The following ATP8B3 variants were observed in gnomAD, a reference collection of about 807,000 sequenced individuals.
ATP8B3 encodes phospholipid-transporting ATPase IK.
In ATP8B3, 141 loss-of-function variants were observed where a neutral mutation model predicts 140.9. That is an observed-to-expected ratio of 1.00 (90% CI 0.87 to 1.15). ATP8B3 has a LOEUF of 1.15. ATP8B3 is among the 50% of genes most tolerant of loss of function. The probability of loss-of-function intolerance (pLI) is 0.00; values close to 1 mark genes in which losing one functional copy is unlikely to be tolerated. For missense variants in ATP8B3, 1,874 were observed against 1,740.6 expected, an observed-to-expected ratio of 1.08 and a Z score of -1.36; for synonymous variants, 765 against 714.6, an observed-to-expected ratio of 1.07 and a Z score of -1.13.
In ATP8B3 at chr19:1,789,719, C is replaced by A. The variant is rs771178009; in HGVS notation, c.2487G>T (p.Leu829=). ...GCGGCTCCTTCCGCAGGGACACCAG[C>A]AGTTTGTCCTGGCCGGCGGGGAGGG... is the stretch of plus-strand genomic sequence containing the variant. ...LVINGDFLDK[L]LVSLRKEPRA... Residue 829 remains leucine (L), a synonymous_variant, in exon 23 of 29, where the codon CTG becomes CTT. Coordinates refer to ENST00000310127, the MANE Select transcript of ATP8B3 (RefSeq NM_138813.4). 2 of 1,570,784 alleles carry A rather than the reference C, an allele frequency of 1.3e-6. No homozygotes were observed. The highest frequency in any genetic ancestry group is 1.7e-6 in the Non-Finnish European group (2 of 1,162,092).
intron 4 of ATP8B3, among the ~76,000 whole-genome samples, chr19:1,809,031 G>A (rs771547828): frequency 3.3e-5 from 5 of 151,456 alleles, no homozygotes; most frequent in South Asian, 2.1e-4. Flanking sequence ...AAAATTAGCC[G>A]GGCGTGGTTG....
chr19:1,787,967 G>A (rs1016553399), intron 24 of ATP8B3, among the ~76,000 whole-genome samples: 10 of 150,110 alleles, frequency 6.7e-5, no homozygotes, highest in Non-Finnish European at 1.0e-4. Flanking sequence ...ACTTGAACCC[G>A]GGAGGCAGAG....
chr19:1,810,756 G>T, intron 2 of ATP8B3, 73 bp from the exon 3 acceptor site: 1 of 1,445,250 alleles, frequency 6.9e-7, no homozygotes. Context: ...TCTTCAAGGA[G>T]CTCACAGCCT....
chr19:1,796,600 C>A (rs1468114740), intron 16 of ATP8B3, 111 bp downstream of exon 16: 4 of 1,398,954 alleles, frequency 2.9e-6, no homozygotes, highest in Non-Finnish European at 3.8e-6. Flanking sequence ...TCAGCGCCCC[C>A]CAAGCCAGCT....
At position 1,791,756 on chromosome 19, in the gene ATP8B3, T is replaced by A. The variant is rs1298383408; in HGVS notation, c.2296A>T (p.Lys766Ter). 1 of 1,610,572 alleles carries A rather than the reference T, an allele frequency of 6.2e-7. No homozygotes were observed. The highest frequency in any genetic ancestry group is 1.3e-5 in the African/African-American group (1 of 75,012). The change falls in exon 20 of 29, where the codon AAG becomes TAG. Residue 766 changes from lysine to a stop codon, truncating the protein, a stop_gained. Coordinates refer to ENST00000310127, the MANE Select transcript of ATP8B3 (RefSeq NM_138813.4). LOFTEE classifies it high-confidence loss of function. ...GGAGCTGCCCGGGACTCACCCTGCT[T>A]GTCCCCGGTGAGCACCCATATTTTG... ...NIKIWVLTGD[K>*]QETAVNIGFA...
intron 24 of ATP8B3, among the ~76,000 whole-genome samples, chr19:1,787,897 C>T (rs1271054692): frequency 6.6e-6 from 1 of 151,762 alleles, no homozygotes; most frequent in East Asian, 1.9e-4. Flanking sequence ...TAAAAATTAG[C>T]CAGGCATGGT....
rs2068890449 is a variant in ATP8B3, at chr19:1,802,604, A to C, written c.946T>G (p.Phe316Val). Residue 316 changes from phenylalanine to valine, a missense_variant, in exon 11 of 29, where the codon TTC (phenylalanine) becomes GTC (valine). Physicochemically the swap from Phe to Val is conservative, Grantham distance 50. Coordinates refer to ENST00000310127, the MANE Select transcript of ATP8B3 (RefSeq NM_138813.4). ...TCATTCCATTCCAGGCACCCCACGA[A>C]GTGGTGCATCCGACTGTTAGGCGCC... The part of the protein sequence containing the change: ...CEAPNSRMHH[F>V]VGCLEWNDKK... 1.2e-6 allele frequency: 2 copies of C among 1,611,584 alleles called. No homozygotes were observed. Among genetic ancestry groups the C allele is most frequent in the African/African-American group, 2.7e-5 (2 of 74,694 alleles).
chr19:1,783,150 C>T lies in ATP8B3; in HGVS notation c.3781G>A (p.Ala1261Thr). ...ATTGTGCCCTGAGTGATGAGGTTTG[C>T]ATATCCCTCACGGTGGGAGAAAGCA... ...SYAFSHREGY[A>T]NLITQGTILR... Residue 1261 changes from alanine to threonine, a missense_variant, in exon 29 of 29, where the codon GCA (alanine) becomes ACA (threonine). Transcript: ENST00000310127. 1 of 1,613,710 alleles carries T rather than the reference C, an allele frequency of 6.2e-7. No homozygotes were observed.
chr19:1,805,580 C>A lies in ATP8B3; in HGVS notation c.822-124G>T. ...ACCTACTAGTTCGCCAGCTGCCAGTCAGATGGCTGAGGCCCAGAGAGGGAG... is the reference window on the plus strand; with the variant it reads ...ACCTACTAGTTCGCCAGCTGCCAGTAAGATGGCTGAGGCCCAGAGAGGGAG... On this transcript the variant is annotated intron_variant, in intron 9 of 28. Coordinates refer to ENST00000310127, the MANE Select transcript of ATP8B3 (RefSeq NM_138813.4). The surrounding 1 kb of genome is among the most constrained non-coding windows in gnomAD (Gnocchi z 5.2). 1.1e-6 allele frequency: 1 copy of A among 902,396 alleles called. No individual in the cohort carries two copies. The highest frequency in any genetic ancestry group is 1.8e-6 in the Non-Finnish European group (1 of 567,402). 55.9% of individuals were successfully genotyped at this position (902,396 alleles called of 1,614,324 possible).
intron 24 of ATP8B3, among the ~76,000 whole-genome samples, chr19:1,788,436 G>A (rs1438359039): frequency 2.6e-5 from 4 of 152,128 alleles, no homozygotes; most frequent in African/African-American, 9.7e-5. Context: ...GGTCACCTGA[G>A]GTCAGGAGTT....
Position 1,792,342 on chromosome 19 carries a change from G to A in ATP8B3, c.2056-207C>T, listed in dbSNP as rs369200447. ...CGCCTGCAATCCCAGCACTTTGGGA[G>A]GCTGAGGCAGGCGGATCATTTGAGG... On this transcript the variant is annotated intron_variant, in intron 18 of 28. Transcript: ENST00000310127. 7.0e-4 allele frequency among the ~76,000 whole-genome samples: 106 copies of A among 152,322 alleles called. 2 individuals carry two copies. The South Asian group carries it at 0.02, about 29-fold the overall frequency.
intron 23 of ATP8B3, 26 bp downstream of exon 23, chr19:1,789,335 C>T: frequency 6.8e-7 from 1 of 1,479,332 alleles, no homozygotes; most frequent in Non-Finnish European, 9.0e-7. Context: ...GTCCCAGGCA[C>T]CCCCAGCCCC....
intron 24 of ATP8B3, 139 bp from the exon 25 acceptor site, chr19:1,787,325 G>A (rs1384342510): frequency 3.1e-6 from 2 of 639,408 alleles, no homozygotes; most frequent in African/African-American, 1.8e-5. Context: ...GGACTGGGGT[G>A]GGGTGAAGTG....
At chr19:1,789,219 T>C (rs12985252) in intron 23 of ATP8B3, 99 bp from the exon 24 acceptor site, 583,709 of 741,662 alleles carry the variant, frequency 0.79, 227,298 homozygotes, top group African/African-American at 0.86. Flanking sequence ...GCCCCCCCCA[T>C]CTGCTTCAGG....
chr19:1,811,180 A>G (rs1438155319), intron 2 of ATP8B3, among the ~76,000 whole-genome samples: 1 of 152,112 alleles, frequency 6.6e-6, no homozygotes, highest in African/African-American at 2.4e-5. Context: ...TATATCTCAA[A>G]ACACAGCATG....
rs1175305633 is a variant in ATP8B3, at chr19:1,789,596, G to A, written c.2610C>T (p.Cys870=). Residue 870 remains cysteine (C), a synonymous_variant, in exon 23 of 29, where the codon TGC becomes TGT. Coordinates refer to ENST00000310127, the MANE Select transcript of ATP8B3 (RefSeq NM_138813.4). ...CAGCCAGCGGGAGCCCGAACCTCCG[G>A]CACAGCAGGGACAGGCGCCTGGCGT... ...FLYARRLSLL[C]RRFGLPLAAP... is the part of the protein sequence containing the mutation. 4 of 1,592,960 alleles carry A rather than the reference G, an allele frequency of 2.5e-6. No homozygotes were observed. Among genetic ancestry groups the A allele is most frequent in the South Asian group, 2.2e-5 (2 of 89,106 alleles).
At chr19:1,788,746 T>TA in intron 24 of ATP8B3, 151 bp downstream of exon 24, 1 of 712,218 alleles carries the variant, frequency 1.4e-6, no homozygotes, top group Non-Finnish European at 2.3e-6. Flanking sequence ...AGGCCTCCAC[T>TA]AACGCAGCCT....
chr19:1,793,566 G>A (rs966432396), intron 18 of ATP8B3, among the ~76,000 whole-genome samples: 4 of 152,206 alleles, frequency 2.6e-5, no homozygotes, highest in African/African-American at 9.6e-5. Flanking sequence ...GCCAGACCCA[G>A]GGTTGGGGCC....
chr19:1,801,855 C>T (rs1600457423), intron 12 of ATP8B3, 101 bp downstream of exon 12: 8 of 865,454 alleles, frequency 9.2e-6, no homozygotes, highest in East Asian at 2.6e-5. Context: ...AGGATCAGGC[C>T]GCACATTTTG....
Sources: gnomAD v4.1 joint callset for allele counts (sites outside exome capture counted in the v4.1 genomes callset) on GRCh38, gnomAD v4.1.1 for gene constraint, Gnocchi (gnomAD v3.1) non-coding constraint, MANE v1.5 for transcripts, NCBI Gene and HGNC (gene_info 2026-07-23, HGNC 2026-07-21) for gene names.